NXPH1: variants seen among roughly 807,000 people sequenced by gnomAD.
NXPH1 encodes the protein neurexophilin 1, also known as neurexophilin-1.
In NXPH1, 5 loss-of-function variants were observed where a neutral mutation model predicts 23.7. The ratio of observed to expected loss-of-function variants is 0.21; its 90% CI spans 0.11 to 0.44. The LOEUF is 0.44. Among genes scored for constraint, NXPH1 ranks in the 20% least tolerant of loss-of-function variants. The pLI is 0.99. For synonymous variants in NXPH1, 144 were observed against 122.2 expected, an observed-to-expected ratio of 1.18 and a Z score of -1.18; for missense variants, 324 against 321.6, an observed-to-expected ratio of 1.01 and a Z score of -0.06.
intron 2 of NXPH1, among the ~76,000 whole-genome samples, chr7:8,649,316 T>A (rs1295044874): frequency 1.3e-5 from 1 of 74,266 alleles, no homozygotes; most frequent in African/African-American, 3.7e-5. Context: ...AAAACGTATT[T>A]CTTTCCTTTT....
At chr7:8,604,686 A>C (rs1330254069) in intron 2 of NXPH1, among the ~76,000 whole-genome samples, 1 of 152,108 alleles carries the variant, frequency 6.6e-6, no homozygotes, top group Non-Finnish European at 1.5e-5. Context: ...TGGAATTTGT[A>C]CCTGAATTAT....
At chr7:8,468,683 T>C (rs1360216440) in intron 2 of NXPH1, among the ~76,000 whole-genome samples, 2 of 152,046 alleles carry the variant, frequency 1.3e-5, no homozygotes, top group Non-Finnish European at 2.9e-5. Flanking sequence ...AGTTCAAAGC[T>C]TGGGGTTAAG....
At chr7:8,483,547 G>C (rs113391428) in intron 2 of NXPH1, among the ~76,000 whole-genome samples, 1 of 151,908 alleles carries the variant, frequency 6.6e-6, no homozygotes, top group Non-Finnish European at 1.5e-5. Flanking sequence ...GGGCTCAAGC[G>C]ATCTACCCAG....
At chr7:8,640,689 G>C (rs1479378905) in intron 2 of NXPH1, among the ~76,000 whole-genome samples, 1 of 152,154 alleles carries the variant, frequency 6.6e-6, no homozygotes. Context: ...GGGCATGGTA[G>C]CCACACCTGT....
chr7:8,610,572 T>C (rs1044838761), intron 2 of NXPH1, among the ~76,000 whole-genome samples: 2 of 151,996 alleles, frequency 1.3e-5, no homozygotes, highest in African/African-American at 4.8e-5. Context: ...CAGTACAATT[T>C]TAGAAAGGGG....
At chr7:8,715,958 C>G (rs938851034) in intron 2 of NXPH1, among the ~76,000 whole-genome samples, 2 of 151,912 alleles carry the variant, frequency 1.3e-5, no homozygotes, top group Non-Finnish European at 2.9e-5. Flanking sequence ...AATGTATTAG[C>G]AGTTGTCAAT....
At chr7:8,536,241 C>T (rs560102436) in intron 2 of NXPH1, among the ~76,000 whole-genome samples, 2 of 152,152 alleles carry the variant, frequency 1.3e-5, no homozygotes, top group South Asian at 4.1e-4. Flanking sequence ...TGAACTCACT[C>T]ACATGTATCA....
At chr7:8,631,398 A>G (rs1446710322) in intron 2 of NXPH1, among the ~76,000 whole-genome samples, 2 of 152,226 alleles carry the variant, frequency 1.3e-5, no homozygotes, top group East Asian at 1.9e-4. Flanking sequence ...GCCAAAAGCA[A>G]TGGCAACAAA....
chr7:8,608,980 C>T (rs895329255), intron 2 of NXPH1, among the ~76,000 whole-genome samples: 20 of 152,030 alleles, frequency 1.3e-4, no homozygotes, highest in African/African-American at 4.8e-4. Flanking sequence ...GGAAACTTGA[C>T]TTTAAGGGAA....
chr7:8,677,630 C>G (rs1820971221), intron 2 of NXPH1, among the ~76,000 whole-genome samples: 1 of 152,052 alleles, frequency 6.6e-6, no homozygotes, highest in Non-Finnish European at 1.5e-5. Flanking sequence ...CATCCCATTA[C>G]TGTGAAATGA....
In NXPH1 at chr7:8,435,851, C is replaced by T. The variant is rs1347823134; in HGVS notation, c.54+84C>T. The stretch of plus-strand genomic sequence containing the variant: ...CTGGGGACACGCGGGAGAAGGGTTA[C>T]GCCGCCAGTTCAGTGAGAGCAGCTT... On this transcript the variant is annotated intron_variant, in intron 2 of 2. Coordinates refer to ENST00000405863, the MANE Select transcript of NXPH1 (RefSeq NM_152745.3). This position sits in a 1 kb window ranked among gnomAD's most constrained non-coding sequence, Gnocchi z 5.9. 1 of 1,290,872 alleles carries T rather than the reference C, an allele frequency of 7.7e-7. No individual in the cohort carries two copies. Among genetic ancestry groups the T allele is most frequent in the Admixed American group, 1.7e-5 (1 of 59,604 alleles). 80.0% of individuals were successfully genotyped at this position (1,290,872 alleles called of 1,614,324 possible). A position where few individuals can be genotyped will look rare whatever the true frequency, so the allele number is the denominator to read the frequency against.
At chr7:8,600,428 G>T (rs1359342880) in intron 2 of NXPH1, among the ~76,000 whole-genome samples, 1 of 152,164 alleles carries the variant, frequency 6.6e-6, no homozygotes, top group African/African-American at 2.4e-5. Context: ...TTTAGTGTCA[G>T]TTCCCAGGTA....
At chr7:8,662,096 C>T (rs1820685209) in intron 2 of NXPH1, among the ~76,000 whole-genome samples, 1 of 151,558 alleles carries the variant, frequency 6.6e-6, no homozygotes, top group Non-Finnish European at 1.5e-5. Flanking sequence ...TTGAAAATAC[C>T]TTCTTAAATG....
At chr7:8,497,519 A>C (rs1470884608) in intron 2 of NXPH1, among the ~76,000 whole-genome samples, 4 of 152,096 alleles carry the variant, frequency 2.6e-5, no homozygotes, top group Non-Finnish European at 5.9e-5. Flanking sequence ...CCTTTCCAGC[A>C]CCTGTTGTTT....
intron 2 of NXPH1, among the ~76,000 whole-genome samples, chr7:8,626,361 T>C (rs1043286524): frequency 1.3e-5 from 2 of 151,932 alleles, no homozygotes; most frequent in African/African-American, 2.4e-5. Flanking sequence ...GTCAGTGGGA[T>C]ATACTCATTG....
chr7:8,677,980 A>T (rs947481965), intron 2 of NXPH1, among the ~76,000 whole-genome samples: 11 of 152,064 alleles, frequency 7.2e-5, no homozygotes, highest in Non-Finnish European at 1.5e-4. Flanking sequence ...ATGGTTATAA[A>T]ATAATCTTTA....
intron 2 of NXPH1, among the ~76,000 whole-genome samples, chr7:8,459,111 A>G (rs1403547564): frequency 1.3e-5 from 2 of 150,682 alleles, no homozygotes; most frequent in African/African-American, 4.9e-5. Context: ...TTCCAAGGAG[A>G]AGGAGTTAAC....
At chr7:8,590,175 G>A (rs958732345) in intron 2 of NXPH1, among the ~76,000 whole-genome samples, 9 of 152,036 alleles carry the variant, frequency 5.9e-5, no homozygotes, top group Admixed American at 4.6e-4. Context: ...ACTAACATTT[G>A]GGGGCAAGCA....
intron 2 of NXPH1, among the ~76,000 whole-genome samples, chr7:8,496,078 C>G (rs1341078625): frequency 1.3e-5 from 2 of 151,972 alleles, no homozygotes; most frequent in Non-Finnish European, 2.9e-5. Context: ...GAAGTTATAT[C>G]AAATGAGTGG....
Sources: gnomAD v4.1 joint callset for allele counts (sites outside exome capture counted in the v4.1 genomes callset) on GRCh38, gnomAD v4.1.1 for gene constraint, Gnocchi (gnomAD v3.1) non-coding constraint, MANE v1.5 for transcripts, NCBI Gene and HGNC (gene_info 2026-07-23, HGNC 2026-07-21) for gene names.